HIBCH: variants seen among roughly 807,000 people sequenced by gnomAD.
HIBCH encodes 3-hydroxyisobutyryl-CoA hydrolase, also known as 3-hydroxyisobutyryl-CoA hydrolase, mitochondrial.
HIBCH carries 50 observed loss-of-function variants against 58.2 expected under a neutral mutation model. The observed-to-expected ratio is 0.86, with a 90% confidence interval of 0.68 to 1.09. The LOEUF (loss-of-function observed/expected upper bound fraction) is 1.09. Among genes scored for constraint, HIBCH ranks in the 50% least tolerant of loss-of-function variants. The pLI, the probability that HIBCH is intolerant of heterozygous loss-of-function variation, is 0.00. For synonymous variants in HIBCH, 151 were observed against 146.9 expected (o/e 1.03, Z -0.20); for missense variants, 450 against 449.7 (o/e 1.00, Z -0.01).
intron 6 of HIBCH, among the ~76,000 whole-genome samples, chr2:190,275,110 A>C (rs1687512853): frequency 6.6e-6 from 1 of 152,240 alleles, no homozygotes; most frequent in Non-Finnish European, 1.5e-5. Context: ...AAACACAAAA[A>C]CAATACCTTA....
chr2:190,282,866 G>C (rs1424573025), intron 6 of HIBCH, among the ~76,000 whole-genome samples: 1 of 145,896 alleles, frequency 6.9e-6, no homozygotes, highest in African/African-American at 2.5e-5. Flanking sequence ...AAAAAGGTAG[G>C]ATAATCCTTG....
intron 1 of HIBCH, 48 bp from the exon 2 acceptor site, chr2:190,310,844 G>A (rs1688538064): frequency 7.7e-7 from 1 of 1,305,564 alleles, no homozygotes; most frequent in Non-Finnish European, 1.1e-6. Context: ...GGGTAGTCAT[G>A]TCTCAGTTGA....
At chr2:190,193,875 C>T (rs1212137195) in intron 1 of HIBCH, among the ~76,000 whole-genome samples, 13 of 152,058 alleles carry the variant, frequency 8.5e-5, no homozygotes, top group Non-Finnish European at 1.5e-4. Context: ...AAGGTGAAAG[C>T]TTATATCACT....
At chr2:190,313,752 C>A (rs893771817) in intron 1 of HIBCH, among the ~76,000 whole-genome samples, 1 of 151,686 alleles carries the variant, frequency 6.6e-6, no homozygotes, top group African/African-American at 2.4e-5. Context: ...GGCACAGGCA[C>A]AGATACTTTG....
At chr2:190,273,912 C>T (rs1166551862) in intron 6 of HIBCH, among the ~76,000 whole-genome samples, 2 of 152,016 alleles carry the variant, frequency 1.3e-5, no homozygotes, top group African/African-American at 4.8e-5. Context: ...TAGACTCAAA[C>T]AATCCTCCCG....
At chr2:190,255,136 C>T (rs553379280) in intron 7 of HIBCH, among the ~76,000 whole-genome samples, 1 of 152,268 alleles carries the variant, frequency 6.6e-6, no homozygotes, top group South Asian at 2.1e-4. Context: ...TAAATATAAA[C>T]TAGATTATGT....
At chr2:190,195,506 CATG>C (rs2105881977) in intron 1 of HIBCH, among the ~76,000 whole-genome samples, 1 of 152,310 alleles carries the variant, frequency 6.6e-6, no homozygotes, top group African/African-American at 2.4e-5. Context: ...TCCTGAATGA[CATG>C]ATGTTGAACA....
At chr2:190,241,723 G>C (rs1184106464) in intron 11 of HIBCH, among the ~76,000 whole-genome samples, 1 of 152,144 alleles carries the variant, frequency 6.6e-6, no homozygotes, top group Non-Finnish European at 1.5e-5. Flanking sequence ...CACTTATGAA[G>C]CTTAGTTTGG....
At position 190,254,004 on chromosome 2, in the gene HIBCH, C is replaced by G. The variant is rs558890211; in HGVS notation, c.518-1697G>C. 1.3e-5 allele frequency among the ~76,000 whole-genome samples: 2 copies of G among 152,232 alleles called. No individual in the cohort carries two copies. Among genetic ancestry groups the G allele is most frequent in the Admixed American group, 1.3e-4 (2 of 15,278 alleles). ...GTCTCCCTCACAGACACCACCTCCT[C>G]TGCTTGACCTCTTGCTCAAGGTGCC... On this transcript the variant is annotated intron_variant, in intron 7 of 13. Coordinates refer to ENST00000359678, the MANE Select transcript of HIBCH (RefSeq NM_014362.4). The surrounding 1 kb of genome is among the most constrained non-coding windows in gnomAD (Gnocchi z 5.0).
Position 190,210,107 on chromosome 2 carries a change from A to C in HIBCH, c.1012-1194T>G, listed in dbSNP as rs1690482207. 6.6e-6 allele frequency among the ~76,000 whole-genome samples: 1 copy of C among 152,140 alleles called. No individual in the cohort carries two copies. Among genetic ancestry groups the C allele is most frequent in the South Asian group, 2.1e-4 (1 of 4,824 alleles). On this transcript the variant is annotated intron_variant, in intron 12 of 13. Coordinates refer to ENST00000359678, the MANE Select transcript of HIBCH (RefSeq NM_014362.4). The surrounding 1 kb of genome is among the most constrained non-coding windows in gnomAD (Gnocchi z 5.5). ...GAACTTCATTTGATTCCACAGTCCCAGCTTCTATCCTATTTCACTTTCAAG... is the reference window on the plus strand; with the variant it reads ...GAACTTCATTTGATTCCACAGTCCCCGCTTCTATCCTATTTCACTTTCAAG...
rs115209537 is a variant in HIBCH at position 190,285,191 on chromosome 2, C to G, written c.438+2395G>C. Among the ~76,000 whole-genome samples the G allele has an allele frequency of 5.9e-3, 891 of 152,304 alleles. 11 individuals carry two copies. Among genetic ancestry groups the G allele is most frequent in the African/African-American group, 0.021 (857 of 41,568 alleles). ...AGTTCCCAGTCATCCTCCCTGTTTC[C>G]TGTTTCCCTTTTTCAACTTGTAGCC... On this transcript the variant is annotated intron_variant, in intron 6 of 13. Coordinates refer to ENST00000359678, the MANE Select transcript of HIBCH (RefSeq NM_014362.4).
At chr2:190,264,019 G>A (rs1424901715) in intron 6 of HIBCH, among the ~76,000 whole-genome samples, 2 of 152,124 alleles carry the variant, frequency 1.3e-5, no homozygotes, top group East Asian at 3.9e-4. Flanking sequence ...TCTTGCCCAG[G>A]CTGGTGTATC....
At chr2:190,193,969 T>C (rs1336488894) in intron 1 of HIBCH, among the ~76,000 whole-genome samples, 3 of 152,214 alleles carry the variant, frequency 2.0e-5, no homozygotes, top group African/African-American at 7.2e-5. Flanking sequence ...CATTTCAAAA[T>C]TTTGATGTTT....
rs928647301 is a variant in HIBCH, at chr2:190,228,779, A to G, written c.892-15704T>C. Among the ~76,000 whole-genome samples, 15 of 152,158 alleles carry G rather than the reference A, an allele frequency of 9.9e-5. 1 individual carries two copies. Among genetic ancestry groups the G allele is most frequent in the Admixed American group, 2.6e-4 (4 of 15,278 alleles). Reference sequence around the variant, plus strand: ...GGGGAAGGAAAATCAGTTGTCTCCTATTGTCAAAGAGACAACTTCTTTTCT... The same window carrying G: ...GGGGAAGGAAAATCAGTTGTCTCCTGTTGTCAAAGAGACAACTTCTTTTCT... On this transcript the variant is annotated intron_variant, in intron 11 of 13. Coordinates refer to ENST00000359678, the MANE Select transcript of HIBCH (RefSeq NM_014362.4).
intron 6 of HIBCH, among the ~76,000 whole-genome samples, chr2:190,272,119 T>G (rs1451694903): frequency 6.6e-6 from 1 of 152,190 alleles, no homozygotes; most frequent in Non-Finnish European, 1.5e-5. Flanking sequence ...CCCCCATCAC[T>G]ACACTATTCG....
rs1233703453 is a variant in HIBCH at position 190,281,574 on chromosome 2, T to C, written c.438+6012A>G. Among the ~76,000 whole-genome samples, 3 of 152,174 alleles carry C rather than the reference T, an allele frequency of 2.0e-5. No individual in the cohort carries two copies. The highest frequency in any genetic ancestry group is 7.2e-5 in the African/African-American group (3 of 41,432). ...TTCTCCCATTGTCTTGATATTCCCT[T>C]CCATTAAGTATTACTCTCTTTAGCA... On this transcript the variant is annotated intron_variant, in intron 6 of 13. Coordinates refer to ENST00000359678, the MANE Select transcript of HIBCH (RefSeq NM_014362.4). The surrounding 1 kb of genome is among the most constrained non-coding windows in gnomAD (Gnocchi z 5.4).
In HIBCH at chr2:190,205,096, A is replaced by C; in HGVS notation, c.*21T>G. 1 of 1,384,142 alleles carries C rather than the reference A, an allele frequency of 7.2e-7. No homozygotes were observed. Among genetic ancestry groups the C allele is most frequent in the Non-Finnish European group, 1.0e-6 (1 of 973,982 alleles). The allele number at this position is 1,384,142 out of a possible 1,614,324, so 85.7% of individuals were successfully genotyped here. On this transcript the variant is annotated 3_prime_UTR_variant, in exon 14 of 14. Coordinates refer to ENST00000359678, the MANE Select transcript of HIBCH (RefSeq NM_014362.4). ...AGATTGCCAACCCATGCTACAAAAT[A>C]TACCTTAAAAGCCTGTCACCTCAAA...
chr2:190,255,426 A>T (rs1199160791), intron 7 of HIBCH, among the ~76,000 whole-genome samples: 1 of 152,208 alleles, frequency 6.6e-6, no homozygotes, highest in Non-Finnish European at 1.5e-5. Flanking sequence ...CTCCTCTGAG[A>T]GCATCTTTAA....
chr2:190,271,970 C>T (rs1458669844), intron 6 of HIBCH, among the ~76,000 whole-genome samples: 1 of 152,208 alleles, frequency 6.6e-6, no homozygotes, highest in East Asian at 1.9e-4. Flanking sequence ...TGTCGTTCAA[C>T]ACTGCATCGA....
Sources: gnomAD v4.1 joint callset for allele counts (sites outside exome capture counted in the v4.1 genomes callset) on GRCh38, gnomAD v4.1.1 for gene constraint, Gnocchi (gnomAD v3.1) non-coding constraint, MANE v1.5 for transcripts, NCBI Gene and HGNC (gene_info 2026-07-23, HGNC 2026-07-21) for gene names.